SCD5: variants seen among roughly 807,000 people sequenced by gnomAD.
SCD5 encodes the protein stearoyl-CoA desaturase 5, also known as acyl-CoA-desaturase 4.
Under a neutral mutation model 30.4 loss-of-function variants are expected in SCD5, and 20 were observed. The observed-to-expected ratio is 0.66, with a 90% confidence interval of 0.46 to 0.96. The LOEUF (loss-of-function observed/expected upper bound fraction) is 0.96. Among genes scored for constraint, SCD5 ranks in the 40% least tolerant of loss-of-function variants. The probability of loss-of-function intolerance (pLI) is 0.00; values close to 1 mark genes in which losing one functional copy is unlikely to be tolerated. For synonymous variants in SCD5, 173 were observed against 176.4 expected, an observed-to-expected ratio of 0.98 and a Z score of 0.16; for missense variants, 381 against 443.3, an observed-to-expected ratio of 0.86 and a Z score of 1.26.
At chr4:82,747,963 A>G (rs542979679) in intron 1 of SCD5, among the ~76,000 whole-genome samples, 1 of 152,302 alleles carries the variant, frequency 6.6e-6, no homozygotes, top group Admixed American at 6.5e-5. Context: ...AGCTATTCTC[A>G]AAAAGGACAA....
chr4:82,775,117 A>G (rs1721718109), intron 1 of SCD5, among the ~76,000 whole-genome samples: 1 of 152,222 alleles, frequency 6.6e-6, no homozygotes, highest in South Asian at 2.1e-4. Context: ...GACAGAAGCA[A>G]AGCCATTGCT....
At chr4:82,709,678 T>C (rs558812286) in intron 1 of SCD5, among the ~76,000 whole-genome samples, 18 of 152,334 alleles carry the variant, frequency 1.2e-4, no homozygotes, top group Admixed American at 3.3e-4. Context: ...AACATAAACT[T>C]ATCATTTGTT....
intron 1 of SCD5, among the ~76,000 whole-genome samples, chr4:82,756,134 G>A (rs142824221): frequency 4.0e-3 from 607 of 152,292 alleles, no homozygotes; most frequent in Non-Finnish European, 5.9e-3. Context: ...CTAAGCAGGT[G>A]TAATATGGAA....
Position 82,764,880 on chromosome 4 carries a change from C to A in SCD5, c.232+33426G>T, listed in dbSNP as rs1446841634. 2.6e-5 allele frequency among the ~76,000 whole-genome samples: 4 copies of A among 152,140 alleles called. No individual in the cohort carries two copies. The South Asian group carries it at 8.3e-4, about 32-fold the overall frequency. ...TAGCTGGAATTACAGGCATGTGCCA[C>A]CAGGGCTGGCTAATTTTTGTATTTT... On this transcript the variant is annotated intron_variant, in intron 1 of 4. Coordinates refer to ENST00000319540, the MANE Select transcript of SCD5 (RefSeq NM_001037582.3).
chr4:82,759,419 C>T (rs567978020), intron 1 of SCD5, among the ~76,000 whole-genome samples: 108 of 152,280 alleles, frequency 7.1e-4, no homozygotes, highest in Non-Finnish European at 8.8e-4. Flanking sequence ...ATGGAACCAA[C>T]GGGAGCTTGG....
At chr4:82,642,987 T>C (rs991391973) in intron 3 of SCD5, among the ~76,000 whole-genome samples, 3 of 152,180 alleles carry the variant, frequency 2.0e-5, no homozygotes, top group African/African-American at 4.8e-5. Context: ...CTGGTCCTGA[T>C]TGGTTTAAGG....
chr4:82,723,616 C>A (rs1553917856), intron 1 of SCD5, among the ~76,000 whole-genome samples: 2 of 152,206 alleles, frequency 1.3e-5, no homozygotes, highest in Non-Finnish European at 2.9e-5. Context: ...GTGGAACAAG[C>A]AGGCAATTGA....
chr4:82,756,406 CT>C (rs1450848944), intron 1 of SCD5, among the ~76,000 whole-genome samples: 2 of 152,276 alleles, frequency 1.3e-5, no homozygotes, highest in Non-Finnish European at 1.5e-5. Flanking sequence ...CACTTAGCCT[CT>C]CTATGCCTCA....
At chr4:82,651,829 C>A (rs962205576) in intron 3 of SCD5, among the ~76,000 whole-genome samples, 2 of 152,170 alleles carry the variant, frequency 1.3e-5, no homozygotes, top group Admixed American at 6.5e-5. Flanking sequence ...AGGAGAATCG[C>A]TTGAACCTAG....
chr4:82,794,650 A>ATTTT (rs200270294), intron 1 of SCD5, among the ~76,000 whole-genome samples: 1 of 136,746 alleles, frequency 7.3e-6, no homozygotes, highest in Non-Finnish European at 1.6e-5. Flanking sequence ...CATTCTGTCC[A>ATTTT]TTTTTTTTTT....
chr4:82,695,357 A>T (rs1192571096), intron 2 of SCD5, among the ~76,000 whole-genome samples: 4 of 152,144 alleles, frequency 2.6e-5, no homozygotes, highest in African/African-American at 9.7e-5. Flanking sequence ...CCAGTTCAGG[A>T]GGCTTTTGCA....
chr4:82,760,908 G>A (rs1160013047), intron 1 of SCD5, among the ~76,000 whole-genome samples: 2 of 152,172 alleles, frequency 1.3e-5, no homozygotes, highest in South Asian at 2.1e-4. Flanking sequence ...ACCTAACACA[G>A]TGCCCTGAGC....
intron 3 of SCD5, among the ~76,000 whole-genome samples, chr4:82,646,436 GT>G (rs1273728002): frequency 6.6e-6 from 1 of 152,190 alleles, no homozygotes; most frequent in Non-Finnish European, 1.5e-5. Flanking sequence ...CCATTTTGGG[GT>G]AGCTCTGTGG....
In SCD5 at chr4:82,798,636, G is replaced by A. The variant is rs920246330; in HGVS notation, c.-99C>T. On this transcript the variant is annotated 5_prime_UTR_variant, in exon 1 of 5. Transcript: ENST00000319540. ...GGCGGGGGCTTCTGCCTTTTAGGGGGGAATTCTCCGCACGTCCAGTCCCCT... is the reference window on the plus strand; with the variant it reads ...GGCGGGGGCTTCTGCCTTTTAGGGGAGAATTCTCCGCACGTCCAGTCCCCT... 1 of 1,026,280 alleles carries A rather than the reference G, an allele frequency of 9.7e-7. No individual in the cohort carries two copies. The highest frequency in any genetic ancestry group is 1.6e-5 in the African/African-American group (1 of 61,134). The allele number at this position is 1,026,280 out of a possible 1,614,324, so 63.6% of individuals were successfully genotyped here. A position where few individuals can be genotyped will look rare whatever the true frequency, so the allele number is the denominator to read the frequency against.
At chr4:82,680,238 C>A (rs1266124254) in intron 3 of SCD5, among the ~76,000 whole-genome samples, 1 of 152,190 alleles carries the variant, frequency 6.6e-6, no homozygotes, top group African/African-American at 2.4e-5. Flanking sequence ...ACTAGTGTAA[C>A]GTTTCCATGA....
chr4:82,711,820 A>G (rs1506609), intron 1 of SCD5, among the ~76,000 whole-genome samples: 114,734 of 151,802 alleles, frequency 0.76, 43,554 homozygotes, highest in Middle Eastern at 0.8. Context: ...CATTCTCTGG[A>G]TTTGACTGCA....
chr4:82,705,714 TG>T (rs1719954975), intron 1 of SCD5, among the ~76,000 whole-genome samples: 1 of 152,224 alleles, frequency 6.6e-6, no homozygotes, highest in South Asian at 2.1e-4. Flanking sequence ...ACCATGTCAA[TG>T]TACATTTGCA....
intron 1 of SCD5, among the ~76,000 whole-genome samples, chr4:82,709,759 T>C (rs905759715): frequency 6.6e-6 from 1 of 152,226 alleles, no homozygotes; most frequent in African/African-American, 2.4e-5. Context: ...CAGATACTTA[T>C]ATATCCATGT....
chr4:82,660,190 C>CA (rs1560526526), intron 3 of SCD5: 1 of 152,528 alleles, frequency 6.6e-6, no homozygotes, highest in East Asian at 1.9e-4. Context: ...TAGAGACCTA[C>CA]AAGGAGACTT....
Sources: gnomAD v4.1 joint callset for allele counts (sites outside exome capture counted in the v4.1 genomes callset) on GRCh38, gnomAD v4.1.1 for gene constraint, MANE v1.5 for transcripts, NCBI Gene and HGNC (gene_info 2026-07-23, HGNC 2026-07-21) for gene names.